The following MFGE8 variants were observed in gnomAD, a reference collection of about 807,000 sequenced individuals.
MFGE8 encodes the protein lactadherin.
In MFGE8, 34 loss-of-function variants were observed where a neutral mutation model predicts 42.6. That is an observed-to-expected ratio of 0.80 (90% CI 0.61 to 1.06). The LOEUF is 1.06. MFGE8 is among the 50% of genes least tolerant of loss of function. The pLI is 0.00. For missense variants in MFGE8, 510 were observed against 516.9 expected, an observed-to-expected ratio of 0.99 and a Z score of 0.13; for synonymous variants, 230 against 214.8, an observed-to-expected ratio of 1.07 and a Z score of -0.62.
At position 88,906,892 on chromosome 15, in the gene MFGE8, A is replaced by C; in HGVS notation, c.388-114T>G. On this transcript the variant is annotated intron_variant, in intron 3 of 7. Transcript: ENST00000268150. The surrounding 1 kb of genome is among the most constrained non-coding windows in gnomAD (Gnocchi z 4.2). ...TGGGTGGGGGAACAACTCAAGCAAAACAGAGGAGGGGTAGCTGAGCACACT... is the reference window on the plus strand; with the variant it reads ...TGGGTGGGGGAACAACTCAAGCAAACCAGAGGAGGGGTAGCTGAGCACACT... The C allele has an allele frequency of 9.1e-6, 12 of 1,314,114 alleles. No individual in the cohort carries two copies. The highest frequency in any genetic ancestry group is 1.5e-5 in the African/African-American group (1 of 68,002). 81.4% of individuals were successfully genotyped at this position (1,314,114 alleles called of 1,614,324 possible). A position where few individuals can be genotyped will look rare whatever the true frequency, so the allele number is the denominator to read the frequency against.
intron 5 of MFGE8, 72 bp from the exon 6 acceptor site, chr15:88,901,807 A>G: frequency 6.9e-7 from 1 of 1,459,506 alleles, no homozygotes; most frequent in South Asian, 1.2e-5. Context: ...AAGGCGATGA[A>G]GCAGAAAGAA....
At position 88,906,504 on chromosome 15, in the gene MFGE8, C is replaced by T; in HGVS notation, c.540+122G>A. Reference sequence around the variant, plus strand: ...CAATTTCTAGAAGCCAAGATGCACCCGAAGACCCACATCATAGCCAATCAC... The same window carrying T: ...CAATTTCTAGAAGCCAAGATGCACCTGAAGACCCACATCATAGCCAATCAC... On this transcript the variant is annotated intron_variant, in intron 4 of 7. Coordinates refer to ENST00000268150, the MANE Select transcript of MFGE8 (RefSeq NM_005928.4). This position sits in a 1 kb window ranked among gnomAD's most constrained non-coding sequence, Gnocchi z 4.2. 4 of 1,166,864 alleles carry T rather than the reference C, an allele frequency of 3.4e-6. No individual in the cohort carries two copies. The highest frequency in any genetic ancestry group is 2.4e-5 in the East Asian group (1 of 42,370). The allele number at this position is 1,166,864 out of a possible 1,614,324, so 72.3% of individuals were successfully genotyped here.
Position 88,906,798 on chromosome 15 carries a change from G to A in MFGE8, c.388-20C>T, listed in dbSNP as rs1401457354. ...GTTCACCTGGACACAGGGCAGGGGAGATGGCACCCTTATCTCCTGGGTTCT... is the reference window on the plus strand; with the variant it reads ...GTTCACCTGGACACAGGGCAGGGGAAATGGCACCCTTATCTCCTGGGTTCT... On this transcript the variant is annotated intron_variant, in intron 3 of 7. Transcript: ENST00000268150. The surrounding 1 kb of genome is among the most constrained non-coding windows in gnomAD (Gnocchi z 4.2). 1.2e-6 allele frequency: 2 copies of A among 1,612,168 alleles called. No individual in the cohort carries two copies. The highest frequency in any genetic ancestry group is 2.7e-5 in the African/African-American group (2 of 74,972).
At chr15:88,901,502 A>T (rs1898427304) in intron 6 of MFGE8, 49 bp downstream of exon 6, 3 of 1,519,444 alleles carry the variant, frequency 2.0e-6, no homozygotes, top group Non-Finnish European at 2.7e-6. Context: ...TGGCAGTCCC[A>T]CCTCATCCCA....
intron 1 of MFGE8, 110 bp downstream of exon 1, chr15:88,913,137 G>C: frequency 7.2e-7 from 1 of 1,394,566 alleles, no homozygotes; most frequent in Non-Finnish European, 9.3e-7. Flanking sequence ...CCGGTCCCCG[G>C]GGCTTTGTCT....
In MFGE8 at chr15:88,899,122, C is replaced by G. The variant is rs1448809469; in HGVS notation, c.*273G>C. ...AACCACACGCCCTACTTTGCCCTTTCCTGTCCATCCCAGACCTACTCAGAT... is the reference window on the plus strand; with the variant it reads ...AACCACACGCCCTACTTTGCCCTTTGCTGTCCATCCCAGACCTACTCAGAT... On this transcript the variant is annotated 3_prime_UTR_variant, in exon 8 of 8. Coordinates refer to ENST00000268150, the MANE Select transcript of MFGE8 (RefSeq NM_005928.4). The surrounding 1 kb of genome is among the most constrained non-coding windows in gnomAD (Gnocchi z 6.8). 1.9e-6 allele frequency: 1 copy of G among 538,520 alleles called. No individual in the cohort carries two copies. The highest frequency in any genetic ancestry group is 3.3e-6 in the Non-Finnish European group (1 of 298,530). The allele number at this position is 538,520 out of a possible 1,614,324, so 33.4% of individuals were successfully genotyped here. A position where few individuals can be genotyped will look rare whatever the true frequency, so the allele number is the denominator to read the frequency against.
Position 88,899,881 on chromosome 15 carries a change from C to T in MFGE8, c.871-70G>A. ...AGTAAGGTGAAAAGAGGCAGACACA[C>T]TGAGGCATGAATTCTAGTTTTGAAA... On this transcript the variant is annotated intron_variant, in intron 6 of 7. Coordinates refer to ENST00000268150, the MANE Select transcript of MFGE8 (RefSeq NM_005928.4). The surrounding 1 kb of genome is among the most constrained non-coding windows in gnomAD (Gnocchi z 6.8). The T allele has an allele frequency of 6.3e-7, 1 of 1,579,970 alleles. No individual in the cohort carries two copies. Among genetic ancestry groups the T allele is most frequent in the East Asian group, 2.3e-5 (1 of 44,438 alleles).
intron 1 of MFGE8, chr15:88,912,096 A>G: frequency 1.6e-6 from 2 of 1,288,244 alleles, no homozygotes; most frequent in Non-Finnish European, 2.0e-6. Context: ...AGGGAAAGGG[A>G]AAGGTGTACT....
At chr15:88,908,996 G>A (rs963155297) in intron 2 of MFGE8, among the ~76,000 whole-genome samples, 47 of 152,224 alleles carry the variant, frequency 3.1e-4, no homozygotes, top group Non-Finnish European at 2.1e-4. Context: ...GATGCTCAGC[G>A]ATTGACCTGC....
Position 88,909,692 on chromosome 15 carries a change from T to C in MFGE8, c.205+100A>G, listed in dbSNP as rs1049753230. ...CTTGACACCTCCACTGGGGTGGGGA[T>C]CACAGGCAGAGAATAAGGCCAGCAT... is the stretch of plus-strand genomic sequence containing the variant. On this transcript the variant is annotated intron_variant, in intron 2 of 7. Coordinates refer to ENST00000268150, the MANE Select transcript of MFGE8 (RefSeq NM_005928.4). 5 of 1,575,450 alleles carry C rather than the reference T, an allele frequency of 3.2e-6. No individual in the cohort carries two copies. In the African/African-American group the frequency reaches 6.8e-5, roughly 21 times the overall value.
At chr15:88,904,043 G>A (rs954193821) in intron 5 of MFGE8, 5 of 152,310 alleles carry the variant, frequency 3.3e-5, no homozygotes, top group African/African-American at 9.6e-5. Context: ...CGACAGAGCA[G>A]TCCTTGTCTT....
At chr15:88,912,954 A>G in intron 1 of MFGE8, 1 of 985,432 alleles carries the variant, frequency 1.0e-6, no homozygotes, top group South Asian at 4.7e-5. Flanking sequence ...GGGAAAAGAG[A>G]GGCCCGACAC....
intron 6 of MFGE8, among the ~76,000 whole-genome samples, chr15:88,901,187 ACACACATT>A (rs776736214): frequency 0.011 from 1,299 of 113,888 alleles, 244 homozygotes; most frequent in Non-Finnish European, 0.019. Flanking sequence ...ACACATTCAC[ACACACATT>A]CACACATTCA....
intron 3 of MFGE8, 58 bp downstream of exon 3, chr15:88,907,137 G>A: frequency 6.4e-7 from 1 of 1,565,054 alleles, no homozygotes; most frequent in South Asian, 1.2e-5. Flanking sequence ...CCCAAATGCA[G>A]AAACATTCAT....
In MFGE8 at chr15:88,907,207, G is replaced by T. The variant is rs772028980; in HGVS notation, c.375C>A (p.Asn125Lys). ...TCCCCAGGCATACCTGGATCCAGGG[G>T]TTATCGTCATTGCTGCTGGGTGTCC... ...NAWTPSSNDD[N>K]PWIQVNLLRR... The change falls in exon 3 of 8, where the codon AAC becomes AAA. Residue 125 changes from asparagine to lysine, a missense_variant. Transcript: ENST00000268150. The T allele has an allele frequency of 6.2e-6, 10 of 1,613,616 alleles. No individual in the cohort carries two copies. Among genetic ancestry groups the T allele is most frequent in the African/African-American group, 1.3e-5 (1 of 74,992 alleles).
Position 88,907,200 on chromosome 15 carries a change from T to A in MFGE8, c.382A>T (p.Ile128Phe). ...TPSSNDDNPW[I>F]QVNLLRRMWV... is the part of the protein sequence containing the mutation. Reference sequence around the variant, plus strand: ...AGGGCCATCCCCAGGCATACCTGGATCCAGGGGTTATCGTCATTGCTGCTG... The same window carrying A: ...AGGGCCATCCCCAGGCATACCTGGAACCAGGGGTTATCGTCATTGCTGCTG... Residue 128 changes from isoleucine to phenylalanine, a missense_variant, in exon 3 of 8, where the codon ATC (isoleucine) becomes TTC (phenylalanine). Physicochemically the swap from Ile to Phe is conservative, Grantham distance 21. Transcript: ENST00000268150. 1 of 1,613,222 alleles carries A rather than the reference T, an allele frequency of 6.2e-7. No homozygotes were observed. Among genetic ancestry groups the A allele is most frequent in the Admixed American group, 1.7e-5 (1 of 59,868 alleles).
At chr15:88,901,517 A>AAACCCAAAAAGCAGAAC in intron 6 of MFGE8, 34 bp downstream of exon 6, 1 of 1,072,610 alleles carries the variant, frequency 9.3e-7, no homozygotes, top group Admixed American at 1.8e-5. Context: ...ATCCCACCCA[A>AAACCCAAAAAGCAGAAC]CCCCAGCCCC....
chr15:88,912,678 A>G (rs1000730037), intron 1 of MFGE8: 1 of 985,298 alleles, frequency 1.0e-6, no homozygotes, highest in Non-Finnish European at 1.2e-6. Flanking sequence ...CCCTCTTCCA[A>G]GCTCCTCGAA....
rs554603996 is a variant in MFGE8 at position 88,899,567 on chromosome 15, C to G, written c.1027-35G>C. ...GAGCGGGTGTCAGGAGGACCCCGAG[C>G]CAGCCCCCCTCCCCTCAGAGCCCCA... On this transcript the variant is annotated intron_variant, in intron 7 of 7. Coordinates refer to ENST00000268150, the MANE Select transcript of MFGE8 (RefSeq NM_005928.4). This position sits in a 1 kb window ranked among gnomAD's most constrained non-coding sequence, Gnocchi z 6.8. The G allele has an allele frequency of 2.4e-4, 381 of 1,614,150 alleles. 3 individuals are homozygous for G. The South Asian group carries it at 4.0e-3, about 17-fold the overall frequency.
Sources: allele counts gnomAD v4.1 joint callset (sites outside exome capture counted in the v4.1 genomes callset), GRCh38; gene constraint gnomAD v4.1.1; non-coding constraint Gnocchi (gnomAD v3.1); transcripts MANE v1.5; gene names NCBI Gene and HGNC (gene_info 2026-07-23, HGNC 2026-07-21).